Variants in CALCRL observed in about 807,000 individuals in gnomAD.
CALCRL encodes the protein calcitonin receptor like receptor.
CALCRL carries 27 observed loss-of-function variants against 60.4 expected under a neutral mutation model. The ratio of observed to expected loss-of-function variants is 0.45; its 90% CI spans 0.33 to 0.62. The LOEUF (loss-of-function observed/expected upper bound fraction) is 0.62, where lower values mean the gene tolerates loss of function less well. Ranked by LOEUF, CALCRL falls within the 20% of genes least tolerant of loss-of-function variation. The pLI is 0.03. For synonymous variants in CALCRL, 190 were observed against 182.6 expected (o/e 1.04, Z -0.33); for missense variants, 424 against 540.7 (o/e 0.78, Z 2.14).
intron 10 of CALCRL, among the ~76,000 whole-genome samples, 171 bp from the exon 11 acceptor site, chr2:187,359,443 G>C (rs984635596): frequency 3.3e-5 from 5 of 152,042 alleles, no homozygotes; most frequent in Admixed American, 6.6e-5. Flanking sequence ...ACATTATAAA[G>C]TATTAGGTAT....
At chr2:187,431,473 C>T (rs1322390767) in intron 1 of CALCRL, 1 of 154,602 alleles carries the variant, frequency 6.5e-6, no homozygotes, top group African/African-American at 2.4e-5. Flanking sequence ...TTTGTTAAAA[C>T]CATAAACATA....
At position 187,346,040 on chromosome 2, in the gene CALCRL, A is replaced by G; in HGVS notation, c.*144T>C. 1 of 592,680 alleles carries G rather than the reference A, an allele frequency of 1.7e-6. No individual in the cohort carries two copies. The allele number at this position is 592,680 out of a possible 1,614,324, so 36.7% of individuals were successfully genotyped here. A position where few individuals can be genotyped will look rare whatever the true frequency, so the allele number is the denominator to read the frequency against. On this transcript the variant is annotated 3_prime_UTR_variant, in exon 15 of 15. Coordinates refer to ENST00000392370, the MANE Select transcript of CALCRL (RefSeq NM_005795.6). ...AGAGCTGGATGTTACACTCTTATCA[A>G]CACACTACTAATTTCATGTGAAGGC... is the stretch of plus-strand genomic sequence containing the variant.
rs115797619 is a variant in CALCRL at position 187,368,162 on chromosome 2, G to T, written c.501-4660C>A. 9.2e-3 allele frequency among the ~76,000 whole-genome samples: 1,392 copies of T among 152,106 alleles called. 19 individuals are homozygous for T. Among genetic ancestry groups the T allele is most frequent in the African/African-American group, 0.032 (1,312 of 41,514 alleles). Reference sequence around the variant, plus strand: ...TGTACTTCATAGGATTGGCTTAAAAGTTAGAGGAGATAAATCACTTAAAAT... The same window carrying T: ...TGTACTTCATAGGATTGGCTTAAAATTTAGAGGAGATAAATCACTTAAAAT... On this transcript the variant is annotated intron_variant, in intron 8 of 14. Coordinates refer to ENST00000392370, the MANE Select transcript of CALCRL (RefSeq NM_005795.6).
chr2:187,352,419 T>C (rs1686574938), intron 12 of CALCRL, 87 bp from the exon 13 acceptor site: 1 of 735,896 alleles, frequency 1.4e-6, no homozygotes, highest in Non-Finnish European at 2.3e-6. Flanking sequence ...TTTATAAATC[T>C]TAAAATATTT....
At chr2:187,445,943 A>G (rs1247192560) in intron 1 of CALCRL, among the ~76,000 whole-genome samples, 3 of 151,566 alleles carry the variant, frequency 2.0e-5, no homozygotes, top group African/African-American at 7.2e-5. Context: ...CCAATTTTTC[A>G]AAGTGAATGA....
At chr2:187,440,040 C>T (rs968663027) in intron 1 of CALCRL, among the ~76,000 whole-genome samples, 1 of 152,010 alleles carries the variant, frequency 6.6e-6, no homozygotes, top group Non-Finnish European at 1.5e-5. Flanking sequence ...AATACTCCCT[C>T]ATACTATTAT....
intron 1 of CALCRL, among the ~76,000 whole-genome samples, chr2:187,439,485 CAAAA>C (rs1010580496): frequency 2.0e-5 from 3 of 151,348 alleles, no homozygotes; most frequent in African/African-American, 7.3e-5. Context: ...CTAAACAAAA[CAAAA>C]CAAACAAACA....
chr2:187,364,296 C>T (rs768411357), intron 8 of CALCRL, among the ~76,000 whole-genome samples: 41 of 152,210 alleles, frequency 2.7e-4, no homozygotes, highest in Non-Finnish European at 2.6e-4. Flanking sequence ...CGTGTTCAAG[C>T]GCTACTTCCT....
intron 10 of CALCRL, among the ~76,000 whole-genome samples, chr2:187,360,224 G>A (rs1327610466): frequency 6.6e-6 from 1 of 151,970 alleles, no homozygotes; most frequent in African/African-American, 2.4e-5. Context: ...CTTCAAAGAT[G>A]TTTGAACCCA....
chr2:187,360,759 G>GAAA lies in CALCRL; in HGVS notation c.628-11_628-9dup. ...GGACACTTTGCAACTAACCTGTGAG[G>GAAA]AAAAAAAAAACCCCAATATTTACTT... On this transcript the variant is annotated splice_polypyrimidine_tract_variant and intron_variant, in intron 9 of 14. Coordinates refer to ENST00000392370, the MANE Select transcript of CALCRL (RefSeq NM_005795.6). 6.9e-7 allele frequency: 1 copy of GAAA among 1,456,776 alleles called. No homozygotes were observed. Among genetic ancestry groups the GAAA allele is most frequent in the Non-Finnish European group, 9.2e-7 (1 of 1,082,750 alleles). 90.2% of individuals were successfully genotyped at this position (1,456,776 alleles called of 1,614,324 possible).
intron 8 of CALCRL, among the ~76,000 whole-genome samples, chr2:187,372,763 G>A (rs1687590460): frequency 6.6e-6 from 1 of 152,142 alleles, no homozygotes; most frequent in Non-Finnish European, 1.5e-5. Flanking sequence ...TCTGCTAATA[G>A]TATTTTTATA....
intron 1 of CALCRL, among the ~76,000 whole-genome samples, chr2:187,388,545 A>G (rs1176757440): frequency 6.6e-6 from 1 of 152,082 alleles, no homozygotes; most frequent in Non-Finnish European, 1.5e-5. Context: ...GATTTTGACT[A>G]TATTGTGGAG....
intron 8 of CALCRL, among the ~76,000 whole-genome samples, chr2:187,374,745 T>A (rs1428673215): frequency 6.6e-6 from 1 of 152,164 alleles, no homozygotes; most frequent in Non-Finnish European, 1.5e-5. Flanking sequence ...TGATATAGTC[T>A]AATGAAAAAA....
intron 8 of CALCRL, among the ~76,000 whole-genome samples, chr2:187,371,191 A>G (rs1687502255): frequency 6.6e-6 from 1 of 151,918 alleles, no homozygotes; most frequent in East Asian, 1.9e-4. Flanking sequence ...GCAGTGAGCC[A>G]AGATCGTGCC....
At chr2:187,347,479 TACGTACTGAGGTATAATTG>T (rs1686333504) in intron 14 of CALCRL, among the ~76,000 whole-genome samples, 1 of 151,846 alleles carries the variant, frequency 6.6e-6, no homozygotes, top group African/African-American at 2.4e-5. Flanking sequence ...ATTCATTTTC[TACGTACTGAGGTATAATTG>T]TTTAACTTTC....
chr2:187,353,151 T>C (rs1463542814), intron 12 of CALCRL, among the ~76,000 whole-genome samples: 1 of 151,886 alleles, frequency 6.6e-6, no homozygotes, highest in Non-Finnish European at 1.5e-5. Context: ...CTTTCTCTTA[T>C]TTTCACCCAA....
chr2:187,383,417 A>G lies in CALCRL; in HGVS notation c.52-112T>C, dbSNP rs896631997. The stretch of plus-strand genomic sequence containing the variant: ...ACAGCAAGTGCGGTGATGTACTGGA[A>G]GATAAACTGGCGCTCTAGGGAAAAA... On this transcript the variant is annotated intron_variant, in intron 4 of 14. Transcript: ENST00000392370. The G allele has an allele frequency of 4.9e-6, 4 of 814,424 alleles. No homozygotes were observed. The East Asian group carries it at 9.4e-5, about 19-fold the overall frequency. 50.4% of individuals were successfully genotyped at this position (814,424 alleles called of 1,614,324 possible).
chr2:187,415,963 T>G (rs1223019145), intron 1 of CALCRL: 1 of 198,290 alleles, frequency 5.0e-6, no homozygotes, highest in Non-Finnish European at 1.0e-5. Flanking sequence ...CTCTTCACAG[T>G]TTCCATGCAG....
rs903506812 is a variant in CALCRL, at chr2:187,345,883, C to G, written c.*301G>C. The G allele has an allele frequency of 4.1e-6, 1 of 241,626 alleles. No homozygotes were observed. Among genetic ancestry groups the G allele is most frequent in the Non-Finnish European group, 8.0e-6 (1 of 125,510 alleles). 15.0% of individuals were successfully genotyped at this position (241,626 alleles called of 1,614,324 possible). A position where few individuals can be genotyped will look rare whatever the true frequency, so the allele number is the denominator to read the frequency against. On this transcript the variant is annotated 3_prime_UTR_variant, in exon 15 of 15. Transcript: ENST00000392370. ...AATGGTGTGCTGGAACTGGCTTACA[C>G]CAGCTCAGAAAAGTTGATTGTGCTT...
Sources: allele counts gnomAD v4.1 joint callset (sites outside exome capture counted in the v4.1 genomes callset), GRCh38; gene constraint gnomAD v4.1.1; transcripts MANE v1.5; gene names NCBI Gene and HGNC (gene_info 2026-07-23, HGNC 2026-07-21).